The following NHERF2 variants were observed in gnomAD, a reference collection of about 807,000 sequenced individuals.
The protein encoded by NHERF2 is Na(+)/H(+) exchange regulatory cofactor NHE-RF2.
chr16:2,036,059 G>A, the NHERF2 span: 32 of 483,774 alleles, frequency 6.6e-5, no homozygotes, highest in South Asian at 2.4e-4. Flanking sequence ...CGCTGGCCTC[G>A]AGCCAAAGGA....
At chr16:2,033,772 A>G in the NHERF2 span, among the ~76,000 whole-genome samples, 1 of 151,902 alleles carries the variant, frequency 6.6e-6, no homozygotes, top group Non-Finnish European at 1.5e-5. Context: ...GGGAGGAGGA[A>G]TGTGAGCTAT....
the NHERF2 span, chr16:2,036,784 G>C: frequency 6.2e-7 from 1 of 1,613,408 alleles, no homozygotes; most frequent in African/African-American, 1.3e-5. Context: ...CCAGCATCAA[G>C]GCACGGGAGG....
At chr16:2,033,415 C>T in the NHERF2 span, 178 of 1,533,340 alleles carry the variant, frequency 1.2e-4, no homozygotes, top group Non-Finnish European at 1.5e-4. Context: ...ACGGAGCCCA[C>T]CCCAGAGGCT....
the NHERF2 span, chr16:2,037,686 G>A: frequency 4.5e-6 from 7 of 1,563,796 alleles, no homozygotes; most frequent in African/African-American, 1.4e-5. Flanking sequence ...AGCCCGGGCA[G>A]TGGGGTCTCT....
At chr16:2,032,946 C>T in the NHERF2 span, 9 of 1,090,782 alleles carry the variant, frequency 8.3e-6, no homozygotes, top group Admixed American at 4.9e-5. This position sits in a 1 kb window ranked among gnomAD's most constrained non-coding sequence, Gnocchi z 4.0. Context: ...CTGCGGGAGG[C>T]GGCTGTGTGG....
the NHERF2 span, chr16:2,036,151 C>A: frequency 1.6e-6 from 1 of 626,688 alleles, no homozygotes; most frequent in Non-Finnish European, 2.7e-6. Flanking sequence ...CAAGTTCCCA[C>A]AGCTAAAGCT....
chr16:2,037,689 G>A, the NHERF2 span: 8 of 1,562,056 alleles, frequency 5.1e-6, no homozygotes, highest in African/African-American at 8.2e-5. Flanking sequence ...CCGGGCAGTG[G>A]GGTCTCTGTT....
chr16:2,035,726 G>A, the NHERF2 span: 203 of 978,248 alleles, frequency 2.1e-4, no homozygotes, highest in Non-Finnish European at 2.2e-4. Context: ...ATGGTAGCGG[G>A]GGGTCCTTCC....
At chr16:2,026,996 A>C in the NHERF2 span, 1 of 1,108,146 alleles carries the variant, frequency 9.0e-7, no homozygotes. Context: ...GCCGGTGGGC[A>C]GCGGGCGCCA....
the NHERF2 span, chr16:2,035,961 G>C: frequency 4.0e-6 from 1 of 251,950 alleles, no homozygotes; most frequent in Non-Finnish European, 7.5e-6. Flanking sequence ...GGGACGCACA[G>C]GCAGAGCCCT....
the NHERF2 span, chr16:2,033,044 C>T: frequency 1.0e-3 from 1,334 of 1,271,558 alleles, 1 homozygote; most frequent in Non-Finnish European, 1.3e-3. Context: ...GTTCTGGGGC[C>T]GGGACTCCTC....
the NHERF2 span, among the ~76,000 whole-genome samples, chr16:2,030,783 A>C: frequency 6.6e-6 from 1 of 152,180 alleles, no homozygotes. Flanking sequence ...TCTACTAAAA[A>C]TACAAAAATC....
chr16:2,035,372 C>CT, the NHERF2 span: 308,868 of 984,292 alleles, frequency 0.31, 56,114 homozygotes, highest in African/African-American at 0.79. Context: ...CTGAGCGCCC[C>CT]CTTGCCATGC....
chr16:2,029,466 G>C, the NHERF2 span: 1 of 965,224 alleles, frequency 1.0e-6, no homozygotes, highest in Non-Finnish European at 1.6e-6. Context: ...GCAGCCACCC[G>C]CCCATGCAGA....
the NHERF2 span, chr16:2,037,775 G>A: frequency 2.1e-5 from 33 of 1,552,998 alleles, no homozygotes; most frequent in African/African-American, 8.2e-5. Flanking sequence ...ACCGTCTGGG[G>A]TGTGGGACTA....
the NHERF2 span, chr16:2,035,353 T>G: frequency 1.0e-6 from 1 of 963,586 alleles, no homozygotes; most frequent in Non-Finnish European, 1.2e-6. Flanking sequence ...AGACCTGCCC[T>G]CCTGAGGTCT....
the NHERF2 span, among the ~76,000 whole-genome samples, chr16:2,028,745 C>T: frequency 9.2e-5 from 14 of 152,272 alleles, no homozygotes; most frequent in Admixed American, 2.0e-4. Context: ...CCACCCTCCC[C>T]CAGGCCGCAG....
the NHERF2 span, among the ~76,000 whole-genome samples, chr16:2,029,263 A>T: frequency 1.3e-5 from 2 of 152,184 alleles, no homozygotes; most frequent in Admixed American, 6.5e-5. Flanking sequence ...TCACTTCCAG[A>T]CAGGACTTAC....
chr16:2,036,724 G>C, the NHERF2 span: 2 of 1,611,086 alleles, frequency 1.2e-6, no homozygotes, highest in South Asian at 2.2e-5. Flanking sequence ...GCTGGTGGCG[G>C]CAGGTGAACG....
Sources: allele counts gnomAD v4.1 joint callset (sites outside exome capture counted in the v4.1 genomes callset), GRCh38; gene constraint gnomAD v4.1.1; non-coding constraint Gnocchi (gnomAD v3.1); transcripts MANE v1.5; gene names NCBI Gene and HGNC (gene_info 2026-07-23, HGNC 2026-07-21).